Variants in PCDHGA5 observed in about 807,000 individuals in gnomAD.
PCDHGA5 encodes the protein protocadherin gamma subfamily A, 5.
In PCDHGA5, 36 loss-of-function variants were observed where a neutral mutation model predicts 56.7. The observed-to-expected ratio is 0.64, with a 90% CI of 0.49 to 0.84. The LOEUF (loss-of-function observed/expected upper bound fraction) is 0.84. Ranked by LOEUF, PCDHGA5 falls within the 40% of genes least tolerant of loss-of-function variation. The pLI is 0.00. For missense variants in PCDHGA5, 1,305 were observed against 1,201.5 expected (o/e 1.09, Z -1.27); for synonymous variants, 563 against 520.2 (o/e 1.08, Z -1.12).
At chr5:141,370,453 T>G in intron 1 of PCDHGA5, 1 of 1,611,650 alleles carries the variant, frequency 6.2e-7, no homozygotes, top group Non-Finnish European at 8.5e-7. Flanking sequence ...CTATTTCTCT[T>G]CCTGCTCTCT....
Position 141,490,909 on chromosome 5 carries a change from G to C in PCDHGA5, c.2422-3898G>C. ...ATCTCTGCATGTGTTTGTCCTAGAC[G>C]AGAATGATAATGCCCCAGCTGTGCT... On this transcript the variant is annotated intron_variant, in intron 1 of 3. Coordinates refer to ENST00000518069, the MANE Select transcript of PCDHGA5 (RefSeq NM_018918.3). This position sits in a 1 kb window ranked among gnomAD's most constrained non-coding sequence, Gnocchi z 5.4. 1 of 1,613,744 alleles carries C rather than the reference G, an allele frequency of 6.2e-7. No individual in the cohort carries two copies. The highest frequency in any genetic ancestry group is 2.2e-5 in the East Asian group (1 of 44,870).
chr5:141,421,697 A>T (rs750973568), intron 1 of PCDHGA5: 8 of 1,613,924 alleles, frequency 5.0e-6, no homozygotes, highest in Non-Finnish European at 6.8e-6. Context: ...GCTCTTCCTA[A>T]TGCTAGGGAT....
chr5:141,415,893 A>G, intron 1 of PCDHGA5: 2 of 904,826 alleles, frequency 2.2e-6, no homozygotes, highest in Non-Finnish European at 3.0e-6. Flanking sequence ...GACAATTCCT[A>G]AGACAGACTT....
chr5:141,430,938 C>A, intron 1 of PCDHGA5: 1 of 1,607,082 alleles, frequency 6.2e-7, no homozygotes, highest in Non-Finnish European at 8.5e-7. Context: ...CGGGAGCTCG[C>A]GGAGCGCGGA....
intron 1 of PCDHGA5, chr5:141,399,294 G>T (rs781668632): frequency 6.2e-7 from 1 of 1,613,914 alleles, no homozygotes; most frequent in South Asian, 1.1e-5. Flanking sequence ...TCCCTTTTAA[G>T]ATTATCTCTT....
rs770630741 is a variant in PCDHGA5, at chr5:141,381,826, C to CTTTTT, written c.2421+15093_2421+15097dup. On this transcript the variant is annotated intron_variant, in intron 1 of 3. Coordinates refer to ENST00000518069, the MANE Select transcript of PCDHGA5 (RefSeq NM_018918.3). ...TTTCTTTCTTTCTTTCTTTCTTCTT[C>CTTTTT]TTTTTTTTTTTTTTTTTTTTTTGGC... Among the ~76,000 whole-genome samples, 477 of 74,206 alleles carry CTTTTT rather than the reference C, an allele frequency of 6.4e-3. 7 individuals are homozygous for CTTTTT. Among genetic ancestry groups the CTTTTT allele is most frequent in the African/African-American group, 7.2e-3 (117 of 16,174 alleles). The allele number at this position is 74,206 out of a possible 152,430, so 48.7% of individuals were successfully genotyped here.
intron 1 of PCDHGA5, chr5:141,375,182 G>A (rs1194415432): frequency 2.5e-6 from 4 of 1,613,936 alleles, no homozygotes; most frequent in South Asian, 1.1e-5. Flanking sequence ...AACAGTAATC[G>A]CCCTTTTTCA....
At chr5:141,446,263 C>T (rs2098496356) in intron 1 of PCDHGA5, among the ~76,000 whole-genome samples, 1 of 152,010 alleles carries the variant, frequency 6.6e-6, no homozygotes, top group East Asian at 1.9e-4. Flanking sequence ...ATATTATTAA[C>T]TGAATAAATA....
At position 141,365,943 on chromosome 5, in the gene PCDHGA5, G is replaced by C. The variant is rs759969199; in HGVS notation, c.1613G>C (p.Gly538Ala). ...LQLWVTASDS[G>A]NPPLSSNVSL... ...TTGTGGGTGACAGCCAGCGACAGTG[G>C]GAACCCTCCACTTAGCAGCAACGTG... is the stretch of plus-strand genomic sequence containing the variant. The change falls in exon 1 of 4, where the codon GGG becomes GCG. Residue 538 changes from glycine (G) to alanine (A), a missense_variant. Transcript: ENST00000518069. The C allele has an allele frequency of 1.9e-6, 3 of 1,614,204 alleles. No homozygotes were observed. Among genetic ancestry groups the C allele is most frequent in the Non-Finnish European group, 2.5e-6 (3 of 1,180,040 alleles).
intron 1 of PCDHGA5, chr5:141,418,551 T>A (rs766987131): frequency 1.2e-6 from 2 of 1,614,026 alleles, no homozygotes; most frequent in South Asian, 2.2e-5. Context: ...ATAAGAATCC[T>A]GGTAATAGAT....
rs567413702 is a variant in PCDHGA5 at position 141,366,201 on chromosome 5, G to A, written c.1871G>A (p.Gly624Asp). 2.4e-5 allele frequency: 39 copies of A among 1,613,736 alleles called. No homozygotes were observed. The highest frequency in any genetic ancestry group is 3.2e-5 in the Non-Finnish European group (38 of 1,180,044). The change falls in exon 1 of 4, where the codon GGC (glycine) becomes GAC (aspartate). Residue 624 changes from glycine (G) to aspartate (D), a missense_variant. Coordinates refer to ENST00000518069, the MANE Select transcript of PCDHGA5 (RefSeq NM_018918.3). Reference protein sequence around the residue: ...PGLFAVGLHTGEVRTARALLD... With the variant: ...PGLFAVGLHTDEVRTARALLD... ...CTCTTTGCGGTTGGGCTGCACACGG[G>A]CGAGGTGCGCACAGCGCGAGCCCTG...
At chr5:141,385,514 G>C (rs928847931) in intron 1 of PCDHGA5, 3 of 1,363,488 alleles carry the variant, frequency 2.2e-6, no homozygotes, top group Non-Finnish European at 2.8e-6. Context: ...TTTAGTGAAA[G>C]CCTATGGACA....
chr5:141,405,967 G>C (rs76683972), intron 1 of PCDHGA5, among the ~76,000 whole-genome samples: 1 of 151,968 alleles, frequency 6.6e-6, no homozygotes, highest in Non-Finnish European at 1.5e-5. Context: ...TGCTGTCAAC[G>C]TAAACCATAC....
chr5:141,393,988 T>C (rs765412193), intron 1 of PCDHGA5: 1 of 1,613,578 alleles, frequency 6.2e-7, no homozygotes, highest in Non-Finnish European at 8.5e-7. Context: ...AATTTACCTT[T>C]TAAATTAGAA....
chr5:141,404,347 C>A (rs1451476815), intron 1 of PCDHGA5: 2 of 1,613,916 alleles, frequency 1.2e-6, no homozygotes, highest in Non-Finnish European at 1.7e-6. Context: ...CGGAAAACAA[C>A]GCCAGAGGTA....
chr5:141,396,811 A>G (rs999771105), intron 1 of PCDHGA5, among the ~76,000 whole-genome samples: 1 of 152,226 alleles, frequency 6.6e-6, no homozygotes, highest in Non-Finnish European at 1.5e-5. Flanking sequence ...GTAGTGTTCT[A>G]CTGTATGGTG....
At chr5:141,459,236 G>A (rs1248794102) in intron 1 of PCDHGA5, among the ~76,000 whole-genome samples, 2 of 152,176 alleles carry the variant, frequency 1.3e-5, no homozygotes, top group African/African-American at 2.4e-5. Context: ...CAACTGGTCT[G>A]CTTCCTGTCA....
At chr5:141,421,880 G>C in intron 1 of PCDHGA5, 1 of 1,613,718 alleles carries the variant, frequency 6.2e-7, no homozygotes, top group Admixed American at 1.7e-5. Flanking sequence ...GCTTTAGATG[G>C]AGGCGATCCC....
intron 1 of PCDHGA5, among the ~76,000 whole-genome samples, chr5:141,482,530 C>CAAAAAAAAAAAAAA (rs3074545): frequency 1.2e-4 from 9 of 76,558 alleles, no homozygotes; most frequent in African/African-American, 3.8e-4. Flanking sequence ...GACAGACATG[C>CAAAAAAAAAAAAAA]AAAAAAAAAA....
Sources: allele counts gnomAD v4.1 joint callset (sites outside exome capture counted in the v4.1 genomes callset), GRCh38; gene constraint gnomAD v4.1.1; non-coding constraint Gnocchi (gnomAD v3.1); transcripts MANE v1.5; gene names NCBI Gene and HGNC (gene_info 2026-07-23, HGNC 2026-07-21).